EPHX2: variants seen among roughly 807,000 people sequenced by gnomAD.
The protein encoded by EPHX2 is bifunctional epoxide hydrolase 2.
In EPHX2, 74 loss-of-function variants were observed where a neutral mutation model predicts 78.7. The observed-to-expected ratio is 0.94, with a 90% CI of 0.78 to 1.14. The LOEUF (loss-of-function observed/expected upper bound fraction) is 1.14. Ranked by LOEUF, EPHX2 falls within the 50% of genes most tolerant of loss-of-function variation. The pLI is 0.00. For synonymous variants in EPHX2, 251 were observed against 255.2 expected, an observed-to-expected ratio of 0.98 and a Z score of 0.16; for missense variants, 715 against 702.5, an observed-to-expected ratio of 1.02 and a Z score of -0.20.
chr8:27,491,294 C>T lies in EPHX2; in HGVS notation c.86C>T (p.Ala29Val). 1 of 1,558,124 alleles carries T rather than the reference C, an allele frequency of 6.4e-7. No homozygotes were observed. Among genetic ancestry groups the T allele is most frequent in the Non-Finnish European group, 8.6e-7 (1 of 1,162,464 alleles). Residue 29 changes from alanine to valine, a missense_variant, in exon 1 of 19, where the codon GCC becomes GTC. By Grantham distance (64) the Ala-to-Val change is moderately conservative. Coordinates refer to ENST00000521400, the MANE Select transcript of EPHX2 (RefSeq NM_001979.6). ...GGCGTCCTCGGCCGCACGGAGGAGG[C>T]CCTGGCGCTGCCCAGGTAAGGGGGC... ...VFGVLGRTEE[A>V]LALPRGLLND...
Position 27,541,475 on chromosome 8 carries a change from G to C in EPHX2, c.1382G>C (p.Gly461Ala). 1 of 1,614,226 alleles carries C rather than the reference G, an allele frequency of 6.2e-7. No individual in the cohort carries two copies. The highest frequency in any genetic ancestry group is 8.5e-7 in the Non-Finnish European group (1 of 1,180,036). ...TTTACTTTCTGATCTCTCCCCAGAG[G>C]TCCTCTAAACTGGTACCGAAACATG... is the stretch of plus-strand genomic sequence containing the variant. ...VQQFKKSGFR[G>A]PLNWYRNMER... is the part of the protein sequence containing the mutation. The change falls in exon 16 of 19, where the codon GGT becomes GCT. Residue 461 changes from glycine to alanine, a missense_variant and splice_region_variant. Transcript: ENST00000521400.
chr8:27,525,107 T>TGCGCGCGCGC (rs1182901102), intron 11 of EPHX2, among the ~76,000 whole-genome samples: 48 of 103,480 alleles, frequency 4.6e-4, no homozygotes, highest in African/African-American at 1.6e-3. Context: ...TGTGTGTGTG[T>TGCGCGCGCGC]GCGCGCGCGC....
chr8:27,503,825 T>G, intron 3 of EPHX2, 62 bp downstream of exon 3: 5 of 1,545,614 alleles, frequency 3.2e-6, no homozygotes, highest in Non-Finnish European at 4.4e-6. Context: ...GAGCATTAGG[T>G]CAGAATCCAT....
intron 12 of EPHX2, among the ~76,000 whole-genome samples, chr8:27,535,655 C>T (rs564638711): frequency 6.6e-6 from 1 of 152,168 alleles, no homozygotes; most frequent in African/African-American, 2.4e-5. Flanking sequence ...GCTACCCCCA[C>T]TAGGAGAGTA....
intron 1 of EPHX2, among the ~76,000 whole-genome samples, chr8:27,498,195 C>T (rs1245504421): frequency 6.6e-6 from 1 of 152,188 alleles, no homozygotes; most frequent in Non-Finnish European, 1.5e-5. Context: ...GATATATACC[C>T]AGGTTGGGCC....
intron 5 of EPHX2, among the ~76,000 whole-genome samples, chr8:27,510,807 G>A (rs1814210935): frequency 6.6e-6 from 1 of 151,994 alleles, no homozygotes; most frequent in South Asian, 2.1e-4. Flanking sequence ...AAAATAGCTG[G>A]CCGTGGTAGT....
At chr8:27,510,678 G>A (rs573164982) in intron 5 of EPHX2, among the ~76,000 whole-genome samples, 3 of 152,256 alleles carry the variant, frequency 2.0e-5, no homozygotes, top group Admixed American at 2.0e-4. Context: ...TTAAGCACAG[G>A]AGCCGTGGCT....
intron 11 of EPHX2, among the ~76,000 whole-genome samples, chr8:27,524,554 T>A (rs1440778523): frequency 6.6e-6 from 1 of 152,214 alleles, no homozygotes; most frequent in Non-Finnish European, 1.5e-5. Flanking sequence ...CCCAACATAT[T>A]CCATTCCATG....
In EPHX2 at chr8:27,506,991, C is replaced by T. The variant is rs747183411; in HGVS notation, c.657C>T (p.Ile219=). 6.2e-7 allele frequency: 1 copy of T among 1,613,668 alleles called. No individual in the cohort carries two copies. The highest frequency in any genetic ancestry group is 8.5e-7 in the Non-Finnish European group (1 of 1,179,944). Residue 219 remains isoleucine, a synonymous_variant, in exon 5 of 19, where the codon ATC becomes ATT. Coordinates refer to ENST00000521400, the MANE Select transcript of EPHX2 (RefSeq NM_001979.6). ...ALKELEKVTG[I]QLLNTPAPLP... ...AAGAACTGGAGAAAGTGACCGGAAT[C>T]CAGGTAACTTGACTTCTGAGCGAGC...
intron 12 of EPHX2, among the ~76,000 whole-genome samples, chr8:27,529,611 A>G (rs1000170521): frequency 2.0e-5 from 3 of 152,092 alleles, no homozygotes; most frequent in East Asian, 1.9e-4. Flanking sequence ...AGCAAGCTAG[A>G]GGCAGATTTC....
intron 15 of EPHX2, 92 bp from the exon 16 acceptor site, chr8:27,541,381 C>T (rs144236309): frequency 1.5e-4 from 206 of 1,338,824 alleles, no homozygotes; most frequent in Non-Finnish European, 2.1e-4. Context: ...CTTCCCAGGA[C>T]GACTGGCTGT....
intron 12 of EPHX2, among the ~76,000 whole-genome samples, chr8:27,534,509 G>A (rs1047495636): frequency 3.9e-5 from 6 of 152,010 alleles, no homozygotes; most frequent in African/African-American, 7.2e-5. Flanking sequence ...AAAATTAGCC[G>A]GGCGTGATAG....
At chr8:27,509,638 C>G (rs114362522) in intron 5 of EPHX2, among the ~76,000 whole-genome samples, 2,594 of 152,222 alleles carry the variant, frequency 0.017, 76 homozygotes, top group African/African-American at 0.059. Context: ...CTCGGCCTCC[C>G]AAAGTGCGAG....
intron 2 of EPHX2, 21 bp from the exon 3 acceptor site, chr8:27,503,583 C>A: frequency 6.3e-7 from 1 of 1,592,800 alleles, no homozygotes; most frequent in Non-Finnish European, 8.6e-7. Context: ...TACAAATTGT[C>A]CCCTCACTTC....
chr8:27,544,172 G>A lies in EPHX2; in HGVS notation c.1531-14G>A. On this transcript the variant is annotated splice_polypyrimidine_tract_variant and intron_variant, in intron 17 of 18. Coordinates refer to ENST00000521400, the MANE Select transcript of EPHX2 (RefSeq NM_001979.6). ...CTTCTTCCATTTACCTTTCTGCCTG[G>A]GGTTTCCTTTCAGATTCCCCACCTG... The A allele has an allele frequency of 6.2e-7, 1 of 1,614,138 alleles. No homozygotes were observed. Among genetic ancestry groups the A allele is most frequent in the African/African-American group, 1.3e-5 (1 of 75,050 alleles).
In EPHX2 at chr8:27,505,696, G is replaced by A. The variant is rs562781797; in HGVS notation, c.537+550G>A. 5.9e-5 allele frequency among the ~76,000 whole-genome samples: 9 copies of A among 152,266 alleles called. No individual in the cohort carries two copies. In the East Asian group the frequency reaches 1.7e-3, roughly 29 times the overall value. Reference sequence around the variant, plus strand: ...CCCACCTCCCCACAAGCTGACCAGAGCAAACCCTGAACTCTAGCCTTGGAG... The same window carrying A: ...CCCACCTCCCCACAAGCTGACCAGAACAAACCCTGAACTCTAGCCTTGGAG... On this transcript the variant is annotated intron_variant, in intron 4 of 18. Coordinates refer to ENST00000521400, the MANE Select transcript of EPHX2 (RefSeq NM_001979.6).
At chr8:27,525,107 T>TGCGCGCGCGCGC (rs1182901102) in intron 11 of EPHX2, among the ~76,000 whole-genome samples, 1 of 103,492 alleles carries the variant, frequency 9.7e-6, no homozygotes, top group African/African-American at 3.6e-5. Context: ...TGTGTGTGTG[T>TGCGCGCGCGCGC]GCGCGCGCGC....
chr8:27,538,827 C>A, intron 14 of EPHX2, 135 bp downstream of exon 14: 1 of 937,136 alleles, frequency 1.1e-6, no homozygotes, highest in Non-Finnish European at 1.7e-6. Flanking sequence ...AGGGTCCCCT[C>A]GGCATGCATA....
intron 12 of EPHX2, among the ~76,000 whole-genome samples, chr8:27,525,761 TC>T (rs1277837741): frequency 3.3e-5 from 5 of 152,136 alleles, no homozygotes; most frequent in African/African-American, 1.2e-4. Flanking sequence ...GGCTCAATGC[TC>T]AGGTAGAGCT....
Sources: allele counts gnomAD v4.1 joint callset (sites outside exome capture counted in the v4.1 genomes callset), GRCh38; gene constraint gnomAD v4.1.1; transcripts MANE v1.5; gene names NCBI Gene and HGNC (gene_info 2026-07-23, HGNC 2026-07-21).